The following CA10 variants were observed in gnomAD, a reference collection of about 807,000 sequenced individuals.
CA10 encodes the protein carbonic anhydrase-related protein 10.
A neutral mutation model predicts 44.2 loss-of-function variants in CA10; 14 were observed. That is an observed-to-expected ratio of 0.32 (90% CI 0.21 to 0.50). CA10 has a LOEUF of 0.50. Ranked by LOEUF, CA10 falls within the 20% of genes least tolerant of loss-of-function variation. CA10 has a pLI of 0.99. For synonymous variants in CA10, 159 were observed against 141.6 expected (o/e 1.12, Z -0.87); for missense variants, 350 against 409.7 (o/e 0.85, Z 1.26).
chr17:52,139,386 G>A (rs961319554), intron 1 of CA10, among the ~76,000 whole-genome samples: 29 of 151,630 alleles, frequency 1.9e-4, no homozygotes, highest in African/African-American at 6.3e-4. Flanking sequence ...TGCCTCATTC[G>A]CCTCTGCATT....
chr17:51,883,533 G>T (rs927419933), intron 3 of CA10, among the ~76,000 whole-genome samples: 1 of 152,122 alleles, frequency 6.6e-6, no homozygotes, highest in Admixed American at 6.5e-5. Flanking sequence ...CCTCCAAGTT[G>T]TTGACTCCGT....
intron 3 of CA10, among the ~76,000 whole-genome samples, chr17:51,875,697 T>G (rs1197973738): frequency 6.6e-6 from 1 of 151,922 alleles, no homozygotes; most frequent in Non-Finnish European, 1.5e-5. Flanking sequence ...TTGGGGGGGG[T>G]ATATAGTTAA....
chr17:51,968,747 G>A (rs897317283), intron 2 of CA10, among the ~76,000 whole-genome samples: 4 of 151,794 alleles, frequency 2.6e-5, no homozygotes, highest in Non-Finnish European at 4.4e-5. Flanking sequence ...GCTTTGATTA[G>A]CTTCTACATT....
intron 3 of CA10, among the ~76,000 whole-genome samples, chr17:51,896,946 G>A (rs1267623240): frequency 1.3e-5 from 2 of 151,674 alleles, no homozygotes; most frequent in Non-Finnish European, 2.9e-5. Flanking sequence ...ATTTGTTTAA[G>A]TTGCTTGTAG....
intron 2 of CA10, among the ~76,000 whole-genome samples, chr17:51,996,012 C>T (rs1985222784): frequency 6.6e-6 from 1 of 152,068 alleles, no homozygotes; most frequent in Non-Finnish European, 1.5e-5. Flanking sequence ...TCAAACACAA[C>T]TATTGAAAGC....
intron 3 of CA10, among the ~76,000 whole-genome samples, chr17:51,883,651 C>T (rs1196604330): frequency 6.6e-6 from 1 of 152,168 alleles, no homozygotes; most frequent in Non-Finnish European, 1.5e-5. Flanking sequence ...TTTCCCAGCT[C>T]CCTCCCTGGC....
At chr17:52,014,226 T>C (rs1227205423) in intron 2 of CA10, among the ~76,000 whole-genome samples, 1 of 151,558 alleles carries the variant, frequency 6.6e-6, no homozygotes, top group Non-Finnish European at 1.5e-5. Context: ...TGTAGAAATA[T>C]AAGGAATGAT....
intron 3 of CA10, among the ~76,000 whole-genome samples, chr17:51,817,599 G>T (rs1907612434): frequency 6.6e-6 from 1 of 152,190 alleles, no homozygotes; most frequent in Admixed American, 6.5e-5. Context: ...GCCAGAACCT[G>T]TAGCCCCTTT....
chr17:51,644,110 G>C (rs1913218774), intron 6 of CA10, among the ~76,000 whole-genome samples: 1 of 151,964 alleles, frequency 6.6e-6, no homozygotes, highest in African/African-American at 2.4e-5. Context: ...CTCCTTGTAT[G>C]AATTTCCTGG....
chr17:51,951,942 C>G (rs1983500009), intron 2 of CA10, among the ~76,000 whole-genome samples: 1 of 152,124 alleles, frequency 6.6e-6, no homozygotes, highest in Non-Finnish European at 1.5e-5. Flanking sequence ...GTGCTCATCT[C>G]TGGCTATATA....
chr17:51,637,221 G>A (rs1446101716), intron 6 of CA10, among the ~76,000 whole-genome samples: 1 of 152,024 alleles, frequency 6.6e-6, no homozygotes, highest in East Asian at 1.9e-4. Flanking sequence ...TCTCTCTCAG[G>A]TTTTGTTGCT....
chr17:51,850,023 A>C (rs1350182378), intron 3 of CA10, among the ~76,000 whole-genome samples: 1 of 152,222 alleles, frequency 6.6e-6, no homozygotes, highest in East Asian at 1.9e-4. Flanking sequence ...AGGGAAATAC[A>C]CATGCTGTAA....
chr17:51,724,053 A>G (rs967640389), intron 4 of CA10, among the ~76,000 whole-genome samples: 19 of 152,046 alleles, frequency 1.2e-4, no homozygotes, highest in Admixed American at 1.2e-3. Flanking sequence ...ATGAGGGGGG[A>G]CTGGAAGTTT....
At chr17:51,686,768 T>C (rs921445621) in intron 4 of CA10, among the ~76,000 whole-genome samples, 3 of 152,094 alleles carry the variant, frequency 2.0e-5, no homozygotes. Context: ...CACTTGATCA[T>C]CTCACACTTG....
chr17:52,134,488 A>C lies in CA10; in HGVS notation c.61+23238T>G, dbSNP rs553565065. 5.9e-5 allele frequency among the ~76,000 whole-genome samples: 9 copies of C among 152,306 alleles called. No individual in the cohort carries two copies. In the East Asian group the frequency reaches 1.7e-3, roughly 29 times the overall value. On this transcript the variant is annotated intron_variant, in intron 1 of 8. Transcript: ENST00000451037. ...GTTCACCTCTATAGGCATGATAAAT[A>C]ATGCCTACCCACATGATTTCGGTAA...
rs141607613 is a variant in CA10 at position 52,089,614 on chromosome 17, A to G, written c.62-17221T>C. ...TTTATACTGTTTTTTTTTTCCCTCT[A>G]TACGTAGACACTTATGATAAAGTTT... On this transcript the variant is annotated intron_variant, in intron 1 of 8. Coordinates refer to ENST00000451037, the MANE Select transcript of CA10 (RefSeq NM_020178.5). Among the ~76,000 whole-genome samples the G allele has an allele frequency of 7.2e-4, 109 of 151,618 alleles. 1 individual carries two copies. The highest frequency in any genetic ancestry group is 2.5e-3 in the African/African-American group (102 of 41,366).
intron 3 of CA10, among the ~76,000 whole-genome samples, chr17:51,764,689 A>G (rs1344546436): frequency 1.3e-5 from 2 of 152,170 alleles, no homozygotes; most frequent in African/African-American, 4.8e-5. Context: ...GCCCAGTACC[A>G]TTCTGCAGAA....
chr17:51,683,117 T>G (rs375432222), intron 4 of CA10, among the ~76,000 whole-genome samples: 1 of 152,362 alleles, frequency 6.6e-6, no homozygotes, highest in Admixed American at 6.5e-5. Flanking sequence ...CCAAGTTATA[T>G]GGATGTGGAA....
chr17:51,956,319 C>G (rs775391590), intron 2 of CA10, among the ~76,000 whole-genome samples: 1 of 152,158 alleles, frequency 6.6e-6, no homozygotes, highest in Non-Finnish European at 1.5e-5. Flanking sequence ...TATATATTCA[C>G]TACACATGTA....
Sources: allele counts gnomAD v4.1 joint callset (sites outside exome capture counted in the v4.1 genomes callset), GRCh38; gene constraint gnomAD v4.1.1; transcripts MANE v1.5; gene names NCBI Gene and HGNC (gene_info 2026-07-23, HGNC 2026-07-21).